SLC44A1: variants seen among roughly 807,000 people sequenced by gnomAD.
The protein encoded by SLC44A1 is solute carrier family 44 member 1.
A neutral mutation model predicts 79.3 loss-of-function variants in SLC44A1; 26 were observed. That is an observed-to-expected ratio of 0.33 (90% CI 0.24 to 0.46). SLC44A1 has a LOEUF of 0.46. SLC44A1 is among the 20% of genes least tolerant of loss of function. SLC44A1 has a pLI of 1.00. For missense variants in SLC44A1, 688 were observed against 798.1 expected (o/e 0.86, Z 1.66); for synonymous variants, 263 against 286.2 (o/e 0.92, Z 0.82).
At chr9:105,298,475 C>T (rs944910265) in intron 1 of SLC44A1, among the ~76,000 whole-genome samples, 2 of 152,126 alleles carry the variant, frequency 1.3e-5, no homozygotes, top group African/African-American at 4.8e-5. Context: ...GCCTCAGCCT[C>T]CCGAGTAGCT....
chr9:105,248,591 T>G (rs938230372), intron 1 of SLC44A1, among the ~76,000 whole-genome samples: 1 of 152,228 alleles, frequency 6.6e-6, no homozygotes, highest in East Asian at 1.9e-4. Flanking sequence ...CCATTACAAG[T>G]TGTTTACTAA....
chr9:105,420,912 G>A (rs551253047), intron 15 of SLC44A1, among the ~76,000 whole-genome samples: 14 of 146,910 alleles, frequency 9.5e-5, no homozygotes, highest in African/African-American at 3.3e-4. Flanking sequence ...TAGACGTGCT[G>A]TTGTGTTGCT....
Position 105,389,043 on chromosome 9 carries a change from C to G in SLC44A1, c.1961C>G (p.Ala654Gly), listed in dbSNP as rs1828698756. Residue 654 changes from alanine to glycine, a missense_variant, in exon 16 of 16, where the codon GCA (alanine) becomes GGA (glycine). Coordinates refer to ENST00000374720, the MANE Select transcript of SLC44A1 (RefSeq NM_080546.5). ...SRELKPMASG[A>G]SSA Reference sequence around the variant, plus strand: ...GACTTTGTTTTCTAGGCTTCGGGAGCAAGTTCTGCTTGAACCTAGCCGACG... The same window carrying G: ...GACTTTGTTTTCTAGGCTTCGGGAGGAAGTTCTGCTTGAACCTAGCCGACG... 13 of 1,612,898 alleles carry G rather than the reference C, an allele frequency of 8.1e-6. No homozygotes were observed. The highest frequency in any genetic ancestry group is 1.1e-5 in the Non-Finnish European group (13 of 1,179,146).
intron 1 of SLC44A1, among the ~76,000 whole-genome samples, chr9:105,276,551 C>T (rs1375292573): frequency 6.2e-5 from 8 of 129,542 alleles, no homozygotes; most frequent in African/African-American, 1.9e-4. Context: ...AGTTAGGAAA[C>T]GGGGATGGGG....
At position 105,392,399 on chromosome 9, in the gene SLC44A1, CTCTCTTTTTTTTTTTTTTTT is replaced by C. The variant is rs1172525795; in HGVS notation, c.*3345_*3364del. The C allele has an allele frequency of 7.3e-6, 6 of 818,460 alleles. No individual in the cohort carries two copies. In the East Asian group the frequency reaches 9.3e-4, roughly 127 times the overall value. The allele number at this position is 818,460 out of a possible 1,614,324, so 50.7% of individuals were successfully genotyped here. A position where few individuals can be genotyped will look rare whatever the true frequency, so the allele number is the denominator to read the frequency against. On this transcript the variant is annotated 3_prime_UTR_variant, in exon 16 of 16. Transcript: ENST00000374720. ...TTTTGTAGAGATGCTCTCTCTCTCTCTCTCTTTTTTTTTTTTTTTTTTTTTTTTTTTCCGTGAGGGCATTA... is the reference window on the plus strand; with the variant it reads ...TTTTGTAGAGATGCTCTCTCTCTCTCTTTTTTTTTTTCCGTGAGGGCATTA...
In SLC44A1 at chr9:105,277,802, G is replaced by T. The variant is rs551620112; in HGVS notation, c.37-21418G>T. On this transcript the variant is annotated intron_variant, in intron 1 of 15. Coordinates refer to ENST00000374720, the MANE Select transcript of SLC44A1 (RefSeq NM_080546.5). ...CTCAAAAAATGTTAGTGGCAGTTCTGTTGTTGACACAAGAGTACTAAAAAA... is the reference window on the plus strand; with the variant it reads ...CTCAAAAAATGTTAGTGGCAGTTCTTTTGTTGACACAAGAGTACTAAAAAA... Among the ~76,000 whole-genome samples the T allele has an allele frequency of 3.3e-5, 5 of 152,276 alleles. No individual in the cohort carries two copies. In the East Asian group the frequency reaches 9.6e-4, roughly 29 times the overall value.
At position 105,395,208 on chromosome 9, in the gene SLC44A1, G is replaced by A; in HGVS notation, c.*6152G>A. 2.1e-6 allele frequency: 2 copies of A among 975,360 alleles called. No homozygotes were observed. The highest frequency in any genetic ancestry group is 2.4e-6 in the Non-Finnish European group (2 of 821,006). The allele number at this position is 975,360 out of a possible 1,614,324, so 60.4% of individuals were successfully genotyped here. The stretch of plus-strand genomic sequence containing the variant: ...CCCACACTCCTAGAAAAGTTTGGGG[G>A]TTTTTTTTGTTTGTTTTTGGTGTTT... On this transcript the variant is annotated 3_prime_UTR_variant, in exon 16 of 16. Transcript: ENST00000374720.
At chr9:105,256,729 ATT>A (rs1157565344) in intron 1 of SLC44A1, among the ~76,000 whole-genome samples, 1 of 143,690 alleles carries the variant, frequency 7.0e-6, no homozygotes, top group African/African-American at 2.6e-5. Flanking sequence ...CGCCCAGCTA[ATT>A]TTTGTATTAT....
At chr9:105,253,121 T>C (rs956058352) in intron 1 of SLC44A1, among the ~76,000 whole-genome samples, 1 of 152,224 alleles carries the variant, frequency 6.6e-6, no homozygotes, top group Non-Finnish European at 1.5e-5. Context: ...CTCTCTACAA[T>C]ATCCCACAAC....
At chr9:105,431,863 TC>T (rs1477493303) in intron 15 of SLC44A1, among the ~76,000 whole-genome samples, 3 of 152,216 alleles carry the variant, frequency 2.0e-5, no homozygotes, top group African/African-American at 7.2e-5. Flanking sequence ...CTGGCATTCT[TC>T]CAACAAACTA....
At chr9:105,325,413 A>G (rs1181493425) in intron 3 of SLC44A1, among the ~76,000 whole-genome samples, 1 of 152,222 alleles carries the variant, frequency 6.6e-6, no homozygotes, top group Admixed American at 6.5e-5. Context: ...GCAACTGGGT[A>G]ATTTATAAAG....
At chr9:105,276,565 C>CATGTGTGTGTGTGT (rs1188770816) in intron 1 of SLC44A1, among the ~76,000 whole-genome samples, 2 of 118,894 alleles carry the variant, frequency 1.7e-5, no homozygotes, top group Non-Finnish European at 3.5e-5. Context: ...GATGGGGAGC[C>CATGTGTGTGTGTGT]GTGTGTGTGT....
At chr9:105,299,103 G>A in intron 1 of SLC44A1, 117 bp from the exon 2 acceptor site, 1 of 694,062 alleles carries the variant, frequency 1.4e-6, no homozygotes, top group East Asian at 2.9e-5. Context: ...TGTCTTAAAG[G>A]TTCAATAGAA....
At chr9:105,287,698 A>G (rs1286831201) in intron 1 of SLC44A1, among the ~76,000 whole-genome samples, 2 of 151,826 alleles carry the variant, frequency 1.3e-5, no homozygotes, top group East Asian at 3.9e-4. Context: ...CTGATCATCT[A>G]CTGTTTAGAA....
intron 1 of SLC44A1, among the ~76,000 whole-genome samples, chr9:105,291,856 A>G (rs1464251699): frequency 6.6e-6 from 1 of 152,194 alleles, no homozygotes; most frequent in East Asian, 1.9e-4. Flanking sequence ...TAAGAACACA[A>G]GTATATGTTG....
chr9:105,431,126 C>G (rs529317698), intron 15 of SLC44A1, among the ~76,000 whole-genome samples: 1 of 152,252 alleles, frequency 6.6e-6, no homozygotes, highest in South Asian at 2.1e-4. Flanking sequence ...ATTGTTTAAT[C>G]CAAGGTCATA....
intron 2 of SLC44A1, among the ~76,000 whole-genome samples, chr9:105,307,314 C>A (rs1391895603): frequency 6.6e-6 from 1 of 152,154 alleles, no homozygotes; most frequent in African/African-American, 2.4e-5. Flanking sequence ...ATACGAAGTC[C>A]ATTCCCTTAC....
intron 4 of SLC44A1, among the ~76,000 whole-genome samples, chr9:105,344,216 TGTG>T (rs1345757890): frequency 6.6e-6 from 1 of 152,220 alleles, no homozygotes; most frequent in Non-Finnish European, 1.5e-5. Context: ...CTGCAAATAT[TGTG>T]GTGGTAAATT....
At chr9:105,276,142 A>G (rs1380971624) in intron 1 of SLC44A1, among the ~76,000 whole-genome samples, 1 of 152,108 alleles carries the variant, frequency 6.6e-6, no homozygotes, top group Non-Finnish European at 1.5e-5. Flanking sequence ...GCGTCTGACA[A>G]GTTGAGCCAC....
Sources: gnomAD v4.1 joint callset for allele counts (sites outside exome capture counted in the v4.1 genomes callset) on GRCh38, gnomAD v4.1.1 for gene constraint, MANE v1.5 for transcripts, NCBI Gene and HGNC (gene_info 2026-07-23, HGNC 2026-07-21) for gene names.